AQP7B: variants seen among roughly 807,000 people sequenced by gnomAD.
The protein encoded by AQP7B is aquaporin 7B.
the AQP7B span, among the ~76,000 whole-genome samples, chr2:94,589,525 T>C: frequency 6.6e-6 from 1 of 152,168 alleles, no homozygotes; most frequent in South Asian, 2.1e-4. Flanking sequence ...CTCCTTGCTC[T>C]GTTTTTTTCC....
chr2:94,604,219 G>T, the AQP7B span: 62 of 1,456,480 alleles, frequency 4.3e-5, no homozygotes, highest in Middle Eastern at 2.6e-4. Flanking sequence ...ACCAGTCTTC[G>T]CCCAAGGTGG....
At chr2:94,588,788 C>T in the AQP7B span, among the ~76,000 whole-genome samples, 1 of 151,172 alleles carries the variant, frequency 6.6e-6, no homozygotes, top group East Asian at 2.0e-4. Context: ...TCAAGGCATG[C>T]AGGTGGCCTT....
At chr2:94,601,997 G>C in the AQP7B span, among the ~76,000 whole-genome samples, 1,318 of 150,928 alleles carry the variant, frequency 8.7e-3, 11 homozygotes, top group Admixed American at 0.014. Flanking sequence ...CACTGTTCCA[G>C]CATTGTGGGA....
the AQP7B span, among the ~76,000 whole-genome samples, chr2:94,600,697 G>A: frequency 1.3e-5 from 2 of 152,096 alleles, no homozygotes; most frequent in South Asian, 2.1e-4. Flanking sequence ...GGCCAACATC[G>A]TGAAACCCTG....
At chr2:94,590,603 G>C in the AQP7B span, among the ~76,000 whole-genome samples, 1 of 152,056 alleles carries the variant, frequency 6.6e-6, no homozygotes, top group Admixed American at 6.6e-5. Context: ...GTTAATAGCT[G>C]GTTAACAGGA....
chr2:94,591,091 C>G, the AQP7B span, among the ~76,000 whole-genome samples: 1 of 151,856 alleles, frequency 6.6e-6, no homozygotes, highest in Non-Finnish European at 1.5e-5. Flanking sequence ...CTTTCTTGGG[C>G]CCCTCTTCTT....
chr2:94,593,358 A>T, the AQP7B span, among the ~76,000 whole-genome samples: 1 of 151,534 alleles, frequency 6.6e-6, no homozygotes, highest in Non-Finnish European at 1.5e-5. Flanking sequence ...GCAGTACGTG[A>T]TGTGCAAGGA....
At chr2:94,597,601 C>T in the AQP7B span, among the ~76,000 whole-genome samples, 1 of 151,254 alleles carries the variant, frequency 6.6e-6, no homozygotes, top group Non-Finnish European at 1.5e-5. Context: ...TCTAATATCA[C>T]AGTCTTTTTT....
At chr2:94,594,847 G>T in the AQP7B span, 15 of 1,554,930 alleles carry the variant, frequency 9.6e-6, no homozygotes, top group East Asian at 3.2e-4. Context: ...GTTCTTGGCC[G>T]AGTTCATGAG....
At chr2:94,600,766 C>G in the AQP7B span, among the ~76,000 whole-genome samples, 2 of 151,966 alleles carry the variant, frequency 1.3e-5, no homozygotes, top group African/African-American at 2.4e-5. Context: ...ACAATCTCAA[C>G]TACTCGGGAG....
chr2:94,598,395 G>T, the AQP7B span, among the ~76,000 whole-genome samples: 1 of 152,246 alleles, frequency 6.6e-6, no homozygotes, highest in Non-Finnish European at 1.5e-5. Context: ...GGGAGAGTTG[G>T]ATGGGCTGGG....
the AQP7B span, chr2:94,604,525 C>T: frequency 6.2e-7 from 1 of 1,609,446 alleles, no homozygotes; most frequent in Non-Finnish European, 8.5e-7. Context: ...GATCTTCAGT[C>T]CACTCTGCCC....
the AQP7B span, chr2:94,604,022 G>T: frequency 1.2e-6 from 1 of 820,552 alleles, no homozygotes; most frequent in Non-Finnish European, 2.0e-6. Flanking sequence ...CAGCACAGGA[G>T]GGTCCTGCAG....
At chr2:94,602,430 G>A in the AQP7B span, 6 of 1,523,884 alleles carry the variant, frequency 3.9e-6, no homozygotes, top group Non-Finnish European at 5.4e-6. Context: ...ACTGAGCTCT[G>A]AGCCCTCCTC....
chr2:94,595,002 AG>A, the AQP7B span: 1 of 568,100 alleles, frequency 1.8e-6, no homozygotes, highest in African/African-American at 1.9e-5. Context: ...GGAAGCAGTG[AG>A]GAAAGTAAGG....
At chr2:94,598,928 G>T in the AQP7B span, among the ~76,000 whole-genome samples, 1 of 152,042 alleles carries the variant, frequency 6.6e-6, no homozygotes, top group African/African-American at 2.4e-5. Context: ...TCAGCCTCCC[G>T]AGTAGCTGGG....
the AQP7B span, among the ~76,000 whole-genome samples, chr2:94,597,988 G>A: frequency 6.6e-6 from 1 of 152,120 alleles, no homozygotes. Flanking sequence ...GCTTGTTAAT[G>A]CTCCCCCAGC....
chr2:94,592,726 T>C, the AQP7B span, among the ~76,000 whole-genome samples: 21 of 150,516 alleles, frequency 1.4e-4, 1 homozygote, highest in Non-Finnish European at 5.9e-5. Flanking sequence ...TTATTGAATC[T>C]ACTATGCTTA....
the AQP7B span, chr2:94,602,636 C>A: frequency 6.4e-7 from 1 of 1,572,388 alleles, no homozygotes; most frequent in East Asian, 2.2e-5. Flanking sequence ...CCAGGGCCTA[C>A]CAGACTGGGC....
Sources: gnomAD v4.1 joint callset for allele counts (sites outside exome capture counted in the v4.1 genomes callset) on GRCh38, gnomAD v4.1.1 for gene constraint, MANE v1.5 for transcripts, NCBI Gene and HGNC (gene_info 2026-07-23, HGNC 2026-07-21) for gene names.